SENP6: variants seen among roughly 807,000 people sequenced by gnomAD.
SENP6 encodes sentrin-specific protease 6.
A neutral mutation model predicts 134.5 loss-of-function variants in SENP6; 41 were observed. The observed-to-expected ratio is 0.30, with a 90% confidence interval of 0.24 to 0.40. The LOEUF (loss-of-function observed/expected upper bound fraction) is 0.40, where lower values mean the gene tolerates loss of function less well. Among genes scored for constraint, SENP6 ranks in the 10% least tolerant of loss-of-function variants. The pLI, the probability that SENP6 is intolerant of heterozygous loss-of-function variation, is 1.00. For synonymous variants in SENP6, 395 were observed against 429.8 expected (o/e 0.92, Z 1.00); for missense variants, 1,248 against 1,312.5 (o/e 0.95, Z 0.76).
chr6:75,687,260 G>T (rs771286868), intron 16 of SENP6, among the ~76,000 whole-genome samples: 57 of 152,118 alleles, frequency 3.7e-4, no homozygotes, highest in Non-Finnish European at 7.1e-4. Context: ...GTCATTTAAG[G>T]TCTTCTCTAC....
At chr6:75,673,430 TCTC>T (rs892129367) in intron 11 of SENP6, among the ~76,000 whole-genome samples, 2 of 149,666 alleles carry the variant, frequency 1.3e-5, no homozygotes, top group Non-Finnish European at 3.0e-5. Flanking sequence ...TTCCGGCAAT[TCTC>T]CTACCTCAGC....
At chr6:75,673,319 C>T (rs1253358372) in intron 11 of SENP6, among the ~76,000 whole-genome samples, 5 of 116,924 alleles carry the variant, frequency 4.3e-5, no homozygotes, top group South Asian at 2.8e-4. Flanking sequence ...CCAATGTCTA[C>T]TTTTTTTTTT....
chr6:75,646,538 A>G (rs937809507), intron 6 of SENP6: 8 of 152,236 alleles, frequency 5.3e-5, no homozygotes, highest in Non-Finnish European at 1.2e-4. Flanking sequence ...GACTGCTATT[A>G]TAAGTACACT....
At chr6:75,705,927 T>C (rs1271087467) in intron 19 of SENP6, among the ~76,000 whole-genome samples, 2 of 51,094 alleles carry the variant, frequency 3.9e-5, no homozygotes, top group Non-Finnish European at 7.1e-5. Context: ...TTTTGAGCCT[T>C]TTTTTTTTTT....
chr6:75,673,706 C>A (rs1163421966), intron 11 of SENP6, among the ~76,000 whole-genome samples: 1 of 151,974 alleles, frequency 6.6e-6, no homozygotes, highest in African/African-American at 2.4e-5. Context: ...CCTTCAATTC[C>A]TTTATCTTAT....
chr6:75,655,010 G>A (rs748076694), intron 7 of SENP6: 1 of 152,168 alleles, frequency 6.6e-6, no homozygotes, highest in South Asian at 2.1e-4. Flanking sequence ...AAACACTTCA[G>A]TGGGCATATT....
At position 75,678,874 on chromosome 6, in the gene SENP6, C is replaced by T; in HGVS notation, c.2022C>T (p.His674=). ...GGISVTNEDL[H]CLNEGEFLND... The stretch of plus-strand genomic sequence containing the variant: ...TCTCTGTTACCAATGAGGACCTGCA[C>T]TGTCTAAATGAAGGAGAATTTTTAA... The change falls in exon 16 of 24, where the codon CAC becomes CAT. Residue 674 remains histidine (H), a synonymous_variant. Coordinates refer to ENST00000447266, the MANE Select transcript of SENP6 (RefSeq NM_015571.4). 1.2e-6 allele frequency: 2 copies of T among 1,605,744 alleles called. No individual in the cohort carries two copies. The highest frequency in any genetic ancestry group is 1.7e-6 in the Non-Finnish European group (2 of 1,173,822).
intron 19 of SENP6, among the ~76,000 whole-genome samples, chr6:75,707,355 CTTTTTTTTTTTT>C (rs10564996): frequency 4.0e-5 from 3 of 74,698 alleles, no homozygotes; most frequent in African/African-American, 1.0e-4. Flanking sequence ...TCTTCTTCTT[CTTTTTTTTTTTT>C]TTTTTTTTTT....
rs1428395389 is a variant in SENP6 at position 75,634,390 on chromosome 6, G to T, written c.354-317G>T. ...TCCTCCCGAGTAGCTGGGATTACAGGTGCCCACCACCATGCCCAGCTAATT... is the reference window on the plus strand; with the variant it reads ...TCCTCCCGAGTAGCTGGGATTACAGTTGCCCACCACCATGCCCAGCTAATT... On this transcript the variant is annotated intron_variant, in intron 4 of 23. Coordinates refer to ENST00000447266, the MANE Select transcript of SENP6 (RefSeq NM_015571.4). 2.0e-5 allele frequency among the ~76,000 whole-genome samples: 3 copies of T among 152,200 alleles called. No individual in the cohort carries two copies. The East Asian group carries it at 5.8e-4, about 29-fold the overall frequency.
chr6:75,694,603 CT>C (rs1260391478), intron 16 of SENP6, among the ~76,000 whole-genome samples: 1 of 152,070 alleles, frequency 6.6e-6, no homozygotes, highest in Non-Finnish European at 1.5e-5. Context: ...CTATCTCTGG[CT>C]TTTTGTATTC....
At position 75,695,984 on chromosome 6, in the gene SENP6, A is replaced by T. The variant is rs7755068; in HGVS notation, c.2195+61A>T. ...GTCACTCACATTTAACTAAGTGAAAAATCACGTACTTGAAAGAAAACACAA... is the reference window on the plus strand; with the variant it reads ...GTCACTCACATTTAACTAAGTGAAATATCACGTACTTGAAAGAAAACACAA... On this transcript the variant is annotated intron_variant, in intron 17 of 23. Coordinates refer to ENST00000447266, the MANE Select transcript of SENP6 (RefSeq NM_015571.4). 9 of 1,423,520 alleles carry T rather than the reference A, an allele frequency of 6.3e-6. No homozygotes were observed. In the African/African-American group the frequency reaches 1.3e-4, roughly 21 times the overall value. 88.2% of individuals were successfully genotyped at this position (1,423,520 alleles called of 1,614,324 possible). A position where few individuals can be genotyped will look rare whatever the true frequency, so the allele number is the denominator to read the frequency against.
intron 1 of SENP6, among the ~76,000 whole-genome samples, chr6:75,618,458 T>A (rs951256893): frequency 1.2e-4 from 18 of 152,242 alleles, no homozygotes; most frequent in African/African-American, 3.6e-4. Flanking sequence ...TCTTGCATTC[T>A]GACCCTGTAA....
chr6:75,620,137 A>C (rs930473921), intron 1 of SENP6, among the ~76,000 whole-genome samples: 4 of 151,026 alleles, frequency 2.6e-5, no homozygotes, highest in African/African-American at 9.7e-5. Flanking sequence ...GGTGAGAAGT[A>C]GTATCTCATT....
chr6:75,638,586 GTGTGTATATATATATATATATA>G (rs1332957968), intron 5 of SENP6, among the ~76,000 whole-genome samples: 3 of 29,442 alleles, frequency 1.0e-4, no homozygotes, highest in African/African-American at 3.9e-4. Flanking sequence ...GTGTGTGTGT[GTGTGTATATATATATATATATA>G]TATATATATA....
rs551278322 is a variant in SENP6, at chr6:75,675,423, C to CT, written c.1393-3dup. On this transcript the variant is annotated splice_polypyrimidine_tract_variant and intron_variant, in intron 11 of 23. Coordinates refer to ENST00000447266, the MANE Select transcript of SENP6 (RefSeq NM_015571.4). ...TAAGTCTAGAGCAATACTAATTCATCTTTTTTTTTAGTTTTGTTTAGATTT... is the reference window on the plus strand; with the variant it reads ...TAAGTCTAGAGCAATACTAATTCATCTTTTTTTTTTAGTTTTGTTTAGATTT... 1,767 of 1,348,536 alleles carry CT rather than the reference C, an allele frequency of 1.3e-3. 1 individual carries two copies. Among genetic ancestry groups the CT allele is most frequent in the African/African-American group, 6.7e-3 (448 of 67,284 alleles). 83.5% of individuals were successfully genotyped at this position (1,348,536 alleles called of 1,614,324 possible). A position where few individuals can be genotyped will look rare whatever the true frequency, so the allele number is the denominator to read the frequency against.
chr6:75,692,926 C>A (rs1249268703), intron 16 of SENP6, among the ~76,000 whole-genome samples: 1 of 152,074 alleles, frequency 6.6e-6, no homozygotes, highest in Non-Finnish European at 1.5e-5. Context: ...ACAAAGTTAG[C>A]CAGGTATGGT....
intron 19 of SENP6, among the ~76,000 whole-genome samples, chr6:75,703,356 CT>C (rs1233585494): frequency 6.6e-6 from 1 of 152,084 alleles, no homozygotes; most frequent in Non-Finnish European, 1.5e-5. Context: ...ACACAACTTA[CT>C]TTTAATTTAT....
intron 9 of SENP6, among the ~76,000 whole-genome samples, chr6:75,664,368 AAATC>A (rs536864318): frequency 1.1e-3 from 170 of 152,068 alleles, no homozygotes; most frequent in Non-Finnish European, 2.2e-3. Context: ...CCTTTTTAAA[AAATC>A]TATATACATG....
intron 1 of SENP6, among the ~76,000 whole-genome samples, chr6:75,604,365 C>A (rs1766864142): frequency 6.6e-6 from 1 of 152,210 alleles, no homozygotes; most frequent in Non-Finnish European, 1.5e-5. Flanking sequence ...GGTGGCGGCA[C>A]GCCCTTAATC....
Sources: gnomAD v4.1 joint callset for allele counts (sites outside exome capture counted in the v4.1 genomes callset) on GRCh38, gnomAD v4.1.1 for gene constraint, MANE v1.5 for transcripts, NCBI Gene and HGNC (gene_info 2026-07-23, HGNC 2026-07-21) for gene names.